The following NELL1 variants were observed in gnomAD, a reference collection of about 807,000 sequenced individuals.
NELL1 encodes protein kinase C-binding protein NELL1.
NELL1 carries 76 observed loss-of-function variants against 107.4 expected under a neutral mutation model. The ratio of observed to expected loss-of-function variants is 0.71; its 90% CI spans 0.59 to 0.86. The LOEUF (loss-of-function observed/expected upper bound fraction) is 0.86, where lower values mean the gene tolerates loss of function less well. Among genes scored for constraint, NELL1 ranks in the 40% least tolerant of loss-of-function variants. NELL1 has a pLI of 0.00. For synonymous variants in NELL1, 353 were observed against 341.2 expected (o/e 1.03, Z -0.38); for missense variants, 1,024 against 1,005.5 (o/e 1.02, Z -0.25).
intron 1 of NELL1, among the ~76,000 whole-genome samples, chr11:20,674,179 A>G (rs1423914013): frequency 2.0e-5 from 3 of 152,182 alleles, no homozygotes; most frequent in African/African-American, 4.8e-5. Context: ...CATGTCATAT[A>G]TGGATTTTAC....
chr11:21,163,927 C>G (rs75851395), intron 13 of NELL1, among the ~76,000 whole-genome samples: 1 of 152,012 alleles, frequency 6.6e-6, no homozygotes, highest in African/African-American at 2.4e-5. Context: ...GATGCAGTCT[C>G]TAACATTCAT....
intron 13 of NELL1, among the ~76,000 whole-genome samples, chr11:21,129,413 A>G (rs1465305790): frequency 2.0e-5 from 3 of 152,218 alleles, no homozygotes; most frequent in South Asian, 4.1e-4. Flanking sequence ...TTATGGGTAT[A>G]TACCCAAAAG....
chr11:21,373,067 C>T lies in NELL1; in HGVS notation c.1645+2119C>T, dbSNP rs16908011. Reference sequence around the variant, plus strand: ...AATTGCATATTCTTGAACTCTTGCACAGTCATCATAAAGGGAAAAAATACA... The same window carrying T: ...AATTGCATATTCTTGAACTCTTGCATAGTCATCATAAAGGGAAAAAATACA... On this transcript the variant is annotated intron_variant, in intron 15 of 19. Coordinates refer to ENST00000357134, the MANE Select transcript of NELL1 (RefSeq NM_006157.5). 5.6e-3 allele frequency among the ~76,000 whole-genome samples: 845 copies of T among 152,126 alleles called. 9 individuals are homozygous for T. The highest frequency in any genetic ancestry group is 0.019 in the African/African-American group (798 of 41,514).
At chr11:21,090,702 C>A (rs972306594) in intron 12 of NELL1, among the ~76,000 whole-genome samples, 1 of 152,164 alleles carries the variant, frequency 6.6e-6, no homozygotes, top group African/African-American at 2.4e-5. Context: ...TAACAAATAC[C>A]TTCATGAGTA....
intron 3 of NELL1, 128 bp from the exon 4 acceptor site, chr11:20,847,455 T>C: frequency 2.1e-6 from 2 of 932,122 alleles, no homozygotes; most frequent in Non-Finnish European, 3.2e-6. Flanking sequence ...ACTTGAGGTC[T>C]TGGCTCTTTG....
chr11:21,204,849 T>C (rs1349657755), intron 13 of NELL1, among the ~76,000 whole-genome samples: 3 of 152,146 alleles, frequency 2.0e-5, no homozygotes, highest in Non-Finnish European at 4.4e-5. Flanking sequence ...GTTTGTTAAT[T>C]TTCCTTCTAA....
intron 15 of NELL1, among the ~76,000 whole-genome samples, chr11:21,392,297 C>A (rs1851896620): frequency 1.3e-5 from 2 of 151,848 alleles, no homozygotes; most frequent in Non-Finnish European, 2.9e-5. Flanking sequence ...TTTAGCTTCA[C>A]TGTTCCCCAT....
chr11:21,162,065 C>T (rs1464595980), intron 13 of NELL1, among the ~76,000 whole-genome samples: 3 of 149,934 alleles, frequency 2.0e-5, no homozygotes, highest in Non-Finnish European at 4.4e-5. Flanking sequence ...ATTTTCCTGC[C>T]TCAGCCTCCT....
At chr11:20,897,815 A>G (rs1849780934) in intron 5 of NELL1, among the ~76,000 whole-genome samples, 1 of 152,256 alleles carries the variant, frequency 6.6e-6, no homozygotes, top group Admixed American at 6.5e-5. Context: ...ACACATGAAA[A>G]AATGCTCATC....
intron 13 of NELL1, among the ~76,000 whole-genome samples, chr11:21,182,013 G>A (rs1856838110): frequency 6.6e-6 from 1 of 151,876 alleles, no homozygotes; most frequent in Non-Finnish European, 1.5e-5. Flanking sequence ...TTATCCCAAT[G>A]TAATAGATAA....
chr11:20,742,956 A>G (rs189824650), intron 2 of NELL1, among the ~76,000 whole-genome samples: 8 of 152,276 alleles, frequency 5.3e-5, no homozygotes, highest in Non-Finnish European at 1.2e-4. Flanking sequence ...CACATTTTCA[A>G]TAGATATATA....
At chr11:21,170,543 G>A (rs1005317467) in intron 13 of NELL1, among the ~76,000 whole-genome samples, 3 of 151,408 alleles carry the variant, frequency 2.0e-5, no homozygotes, top group Non-Finnish European at 4.4e-5. Flanking sequence ...ATATAATATT[G>A]CCTTTTAAAA....
chr11:21,386,129 T>C (rs940072928), intron 15 of NELL1, among the ~76,000 whole-genome samples: 8 of 151,818 alleles, frequency 5.3e-5, no homozygotes, highest in East Asian at 3.9e-4. Context: ...CACCCATCCC[T>C]GTATTACAAC....
At chr11:21,329,687 CTT>C (rs1316478465) in intron 14 of NELL1, among the ~76,000 whole-genome samples, 1 of 151,906 alleles carries the variant, frequency 6.6e-6, no homozygotes, top group African/African-American at 2.4e-5. Context: ...TAGGTAAATG[CTT>C]TTTTGTGTAA....
intron 2 of NELL1, among the ~76,000 whole-genome samples, chr11:20,715,741 G>A (rs1793008): frequency 5.3e-5 from 8 of 152,202 alleles, no homozygotes; most frequent in African/African-American, 1.7e-4. Flanking sequence ...CTCAGAGGAG[G>A]CTGCTGAATA....
At chr11:21,321,373 G>A (rs1396712896) in intron 14 of NELL1, among the ~76,000 whole-genome samples, 3 of 152,068 alleles carry the variant, frequency 2.0e-5, no homozygotes, top group Non-Finnish European at 2.9e-5. Flanking sequence ...TCCCTCAGAG[G>A]TGATTGAAGT....
intron 15 of NELL1, among the ~76,000 whole-genome samples, chr11:21,461,295 T>C (rs986525137): frequency 6.6e-6 from 1 of 152,120 alleles, no homozygotes; most frequent in African/African-American, 2.4e-5. Flanking sequence ...CCACCACTTA[T>C]TAGTAGTTTC....
At chr11:20,916,219 A>C (rs1013771950) in intron 5 of NELL1, among the ~76,000 whole-genome samples, 1 of 152,050 alleles carries the variant, frequency 6.6e-6, no homozygotes, top group South Asian at 2.1e-4. Flanking sequence ...TCAAGTCAAC[A>C]TCATTGACCT....
intron 3 of NELL1, among the ~76,000 whole-genome samples, chr11:20,804,268 C>T (rs545022783): frequency 2.3e-4 from 35 of 152,198 alleles, no homozygotes; most frequent in African/African-American, 8.2e-4. Flanking sequence ...TGGAGTCTTG[C>T]TCTGTCACCC....
Sources: allele counts gnomAD v4.1 joint callset (sites outside exome capture counted in the v4.1 genomes callset), GRCh38; gene constraint gnomAD v4.1.1; transcripts MANE v1.5; gene names NCBI Gene and HGNC (gene_info 2026-07-23, HGNC 2026-07-21).